The following RPN1 variants were observed in gnomAD, a reference collection of about 807,000 sequenced individuals.
The protein encoded by RPN1 is dolichyl-diphosphooligosaccharide--protein glycosyltransferase subunit 1.
A neutral mutation model predicts 55.5 loss-of-function variants in RPN1; 12 were observed. The ratio of observed to expected loss-of-function variants is 0.22; its 90% confidence interval spans 0.14 to 0.35. The LOEUF (loss-of-function observed/expected upper bound fraction) is 0.35, where lower values mean the gene tolerates loss of function less well. Among genes scored for constraint, RPN1 ranks in the 10% least tolerant of loss-of-function variants. RPN1 has a pLI of 1.00. For synonymous variants in RPN1, 317 were observed against 305.9 expected (o/e 1.04, Z -0.38); for missense variants, 679 against 761.3 (o/e 0.89, Z 1.27).
chr3:128,632,423 A>C (rs112197332), intron 3 of RPN1, among the ~76,000 whole-genome samples: 19 of 152,206 alleles, frequency 1.2e-4, no homozygotes, highest in Non-Finnish European at 2.2e-4. Context: ...CAGTTTTGTA[A>C]GAGTTCTAAA....
At position 128,634,563 on chromosome 3, in the gene RPN1, CTTTT is replaced by C. The variant is rs374113354; in HGVS notation, c.634-2410_634-2407del. Among the ~76,000 whole-genome samples, 17 of 135,634 alleles carry C rather than the reference CTTTT, an allele frequency of 1.3e-4. No homozygotes were observed. The East Asian group carries it at 3.5e-3, about 28-fold the overall frequency. 89.0% of individuals were successfully genotyped at this position (135,634 alleles called of 152,430 possible). ...TTTTTGCCAAATGGTCTCCATAAAC[CTTTT>C]TTTTTTTTTTTTTGAGACAAACTCT... On this transcript the variant is annotated intron_variant, in intron 3 of 9. Coordinates refer to ENST00000296255, the MANE Select transcript of RPN1 (RefSeq NM_002950.4).
chr3:128,630,313 C>T (rs1025193045), intron 4 of RPN1, among the ~76,000 whole-genome samples, 170 bp from the exon 5 acceptor site: 5 of 152,206 alleles, frequency 3.3e-5, no homozygotes, highest in East Asian at 1.9e-4. Context: ...CAAAGGTTTG[C>T]GTCGACTTCT....
intron 8 of RPN1, among the ~76,000 whole-genome samples, chr3:128,623,411 G>A (rs958733167): frequency 1.3e-5 from 2 of 152,140 alleles, no homozygotes; most frequent in Non-Finnish European, 2.9e-5. Flanking sequence ...GGTGGTGCAT[G>A]CTTGTAGTCC....
intron 6 of RPN1, 86 bp downstream of exon 6, chr3:128,626,647 G>T: frequency 1.8e-6 from 2 of 1,131,290 alleles, no homozygotes; most frequent in Non-Finnish European, 2.7e-6. Context: ...CAAAGACTGT[G>T]CCCCTAGAAC....
chr3:128,642,280 T>C (rs1036853404), intron 2 of RPN1: 10 of 151,946 alleles, frequency 6.6e-5, no homozygotes, highest in East Asian at 3.9e-4. Context: ...CCAAGAAAAA[T>C]TGAGATAATC....
rs1309225437 is a variant in RPN1, at chr3:128,630,092, T to G, written c.895A>C (p.Asn299His). 1 of 1,613,524 alleles carries G rather than the reference T, an allele frequency of 6.2e-7. No individual in the cohort carries two copies. The highest frequency in any genetic ancestry group is 8.5e-7 in the Non-Finnish European group (1 of 1,179,560). ...QDVYYRDEIG[N>H]VSTSHLLILD... is the part of the protein sequence containing the mutation. ...ATAAGGAGGTGGCTGGTAGAAACAT[T>G]GCCAATCTCATCCCGGTAATAAACA... The change falls in exon 5 of 10, where the codon AAT becomes CAT. Residue 299 changes from asparagine to histidine, a missense_variant. Around this residue, in one of 3 missense-constraint regions of RPN1, gnomAD observed 21 missense variants for 48.6 expected, o/e 0.43. Transcript: ENST00000296255.
chr3:128,620,809 C>T (rs757026742), intron 9 of RPN1, among the ~76,000 whole-genome samples: 2 of 152,224 alleles, frequency 1.3e-5, no homozygotes, highest in Non-Finnish European at 2.9e-5. Flanking sequence ...CCCGTTCTTA[C>T]GCCCTTGTGA....
chr3:128,646,030 G>A (rs2069764362), intron 1 of RPN1, among the ~76,000 whole-genome samples: 1 of 151,674 alleles, frequency 6.6e-6, no homozygotes, highest in South Asian at 2.1e-4. Context: ...GGATCACGAG[G>A]TCAGGAGTTC....
rs879059158 is a variant in RPN1, at chr3:128,622,527, G to A, written c.1396-118C>T. ...CCAAAAATGAAATGCCACCTTCTTG[G>A]AAAGTCAAAGTCAAACCCCTACTGA... On this transcript the variant is annotated intron_variant, in intron 8 of 9. Transcript: ENST00000296255. 2.3e-6 allele frequency: 3 copies of A among 1,307,828 alleles called. No individual in the cohort carries two copies. In the South Asian group the frequency reaches 4.0e-5, roughly 18 times the overall value. 81.0% of individuals were successfully genotyped at this position (1,307,828 alleles called of 1,614,324 possible). A position where few individuals can be genotyped will look rare whatever the true frequency, so the allele number is the denominator to read the frequency against.
chr3:128,622,942 C>CAG (rs1181557176), intron 8 of RPN1, among the ~76,000 whole-genome samples: 1 of 151,846 alleles, frequency 6.6e-6, no homozygotes, highest in African/African-American at 2.4e-5. Flanking sequence ...CTTCACAGTC[C>CAG]AGTAAGGCAG....
At chr3:128,629,133 T>C (rs1380329340) in intron 5 of RPN1, among the ~76,000 whole-genome samples, 1 of 152,160 alleles carries the variant, frequency 6.6e-6, no homozygotes, top group Non-Finnish European at 1.5e-5. Context: ...GGAACACTTT[T>C]TGAGTAGCTA....
chr3:128,625,478 TG>T, intron 8 of RPN1, 55 bp downstream of exon 8: 1 of 1,613,244 alleles, frequency 6.2e-7, no homozygotes, highest in African/African-American at 1.3e-5. Flanking sequence ...GTGCTCAAGC[TG>T]GTGAAATATT....
At position 128,631,974 on chromosome 3, in the gene RPN1, C is replaced by G. The variant is rs1444781439; in HGVS notation, c.817G>C (p.Gly273Arg). 2.5e-6 allele frequency: 4 copies of G among 1,614,022 alleles called. No homozygotes were observed. Among genetic ancestry groups the G allele is most frequent in the Non-Finnish European group, 3.4e-6 (4 of 1,180,042 alleles). Residue 273 changes from glycine to arginine, a missense_variant, in exon 4 of 10, where the codon GGA (glycine) becomes CGA (arginine). Gly to Arg is a moderately radical substitution (Grantham distance 125, BLOSUM62 -2). Transcript: ENST00000296255. ...RYDYQRQPDS[G>R]ISSIRSFKTI... ...TTAAAAGAACGGATGGAGGATATTC[C>G]ACTATCTGGCTGTCTCTGGTAATCA... is the stretch of plus-strand genomic sequence containing the variant.
At chr3:128,635,896 T>TA (rs1182855741) in intron 3 of RPN1, among the ~76,000 whole-genome samples, 1 of 151,666 alleles carries the variant, frequency 6.6e-6, no homozygotes, top group Admixed American at 6.6e-5. Context: ...TACAACTTGT[T>TA]ATGTATGATT....
In RPN1 at chr3:128,637,912, G is replaced by T; in HGVS notation, c.520C>A (p.Arg174Ser). 1 of 1,614,190 alleles carries T rather than the reference G, an allele frequency of 6.2e-7. No individual in the cohort carries two copies. Among genetic ancestry groups the T allele is most frequent in the Non-Finnish European group, 8.5e-7 (1 of 1,180,038 alleles). Residue 174 changes from arginine to serine, a missense_variant, in exon 3 of 10, where the codon CGT becomes AGT. Arg to Ser is a moderately radical substitution (Grantham distance 110, BLOSUM62 -1). Coordinates refer to ENST00000296255, the MANE Select transcript of RPN1 (RefSeq NM_002950.4). The stretch of plus-strand genomic sequence containing the variant: ...ACATTTCGAGAGGCAAGCTTCACAC[G>T]CATGGTTTGTGTCTTCGTTGGATAG... ...SPYPTKTQTM[R>S]VKLASRNVES...
At chr3:128,630,315 T>A (rs970894733) in intron 4 of RPN1, among the ~76,000 whole-genome samples, 172 bp from the exon 5 acceptor site, 5 of 152,238 alleles carry the variant, frequency 3.3e-5, no homozygotes, top group African/African-American at 9.6e-5. Flanking sequence ...AAGGTTTGCG[T>A]CGACTTCTCA....
intron 3 of RPN1, among the ~76,000 whole-genome samples, chr3:128,635,662 T>TAGATAGATAG (rs1355424494): frequency 4.5e-5 from 5 of 110,184 alleles, no homozygotes; most frequent in African/African-American, 1.6e-4. Context: ...TATATATATA[T>TAGATAGATAG]ATAGATATCT....
In RPN1 at chr3:128,622,237, T is replaced by C. The variant is rs1402202526; in HGVS notation, c.1568A>G (p.His523Arg). The C allele has an allele frequency of 1.2e-6, 2 of 1,614,020 alleles. No homozygotes were observed. Among genetic ancestry groups the C allele is most frequent in the African/African-American group, 2.7e-5 (2 of 74,944 alleles). ...TGCAATCTCACTGGTCAAGGCCTTG[T>C]GTTCAGTCTCCAGGCTCTTCTTGCC... ...NSGKKSLETE[H>R]KALTSEIALL... Residue 523 changes from histidine (H) to arginine (R), a missense_variant, in exon 9 of 10, where the codon CAC (histidine) becomes CGC (arginine). By Grantham distance (29) the His-to-Arg change is conservative. Transcript: ENST00000296255.
intron 5 of RPN1, among the ~76,000 whole-genome samples, chr3:128,629,579 G>A (rs2069626932): frequency 6.6e-6 from 1 of 152,044 alleles, no homozygotes; most frequent in Non-Finnish European, 1.5e-5. Context: ...AGAAAGACTT[G>A]AAAGAAAATA....
Sources: gnomAD v4.1 joint callset for allele counts (sites outside exome capture counted in the v4.1 genomes callset) on GRCh38, gnomAD v4.1.1 for gene constraint, gnomAD v4.1.1 regional missense constraint, MANE v1.5 for transcripts, NCBI Gene and HGNC (gene_info 2026-07-23, HGNC 2026-07-21) for gene names.